Variants in SV2C observed in about 807,000 individuals in gnomAD.
SV2C encodes synaptic vesicle glycoprotein 2C.
Under a neutral mutation model 79.7 loss-of-function variants are expected in SV2C, and 49 were observed. The observed-to-expected ratio is 0.61, with a 90% CI of 0.49 to 0.78. The LOEUF is 0.78. Among genes scored for constraint, SV2C ranks in the 30% least tolerant of loss-of-function variants. The probability of loss-of-function intolerance (pLI) is 0.00; values close to 1 mark genes in which losing one functional copy is unlikely to be tolerated. For missense variants in SV2C, 833 were observed against 912.9 expected, an observed-to-expected ratio of 0.91 and a Z score of 1.13; for synonymous variants, 334 against 333.2, an observed-to-expected ratio of 1.00 and a Z score of -0.03.
At chr5:75,951,410 C>T in the SV2C span, among the ~76,000 whole-genome samples, 2 of 151,976 alleles carry the variant, frequency 1.3e-5, no homozygotes, top group Non-Finnish European at 2.9e-5. Context: ...TGCTGGGAAA[C>T]AGGAACTGCC....
In SV2C at chr5:76,318,783, T is replaced by G. The variant is rs190334049; in HGVS notation, c.2001-6581T>G. ...AGAAGCAAAGCATGGAGCAATAGAA[T>G]GACACTAGATCATTTCATTCTTTCC... On this transcript the variant is annotated intron_variant, in intron 12 of 12. Coordinates refer to ENST00000502798, the MANE Select transcript of SV2C (RefSeq NM_014979.4). 1.2e-3 allele frequency among the ~76,000 whole-genome samples: 183 copies of G among 152,332 alleles called. 3 individuals carry two copies. Among genetic ancestry groups the G allele is most frequent in the Non-Finnish European group, 4.0e-4 (27 of 68,036 alleles).
At chr5:75,967,666 T>G in the SV2C span, among the ~76,000 whole-genome samples, 3,111 of 152,288 alleles carry the variant, frequency 0.02, 93 homozygotes, top group African/African-American at 0.069. Context: ...ATAAACAAAG[T>G]GGCCAGGAAG....
chr5:75,985,971 A>G, the SV2C span, among the ~76,000 whole-genome samples: 1 of 151,666 alleles, frequency 6.6e-6, no homozygotes, highest in South Asian at 2.1e-4. Context: ...AATGAAAAGG[A>G]TAATCACGTG....
chr5:76,051,604 A>T, the SV2C span, among the ~76,000 whole-genome samples: 2 of 152,236 alleles, frequency 1.3e-5, no homozygotes, highest in Non-Finnish European at 2.9e-5. Context: ...GCTCTACAAT[A>T]ATGTTAAGTG....
the SV2C span, among the ~76,000 whole-genome samples, chr5:76,026,684 C>T: frequency 3.9e-5 from 6 of 152,080 alleles, no homozygotes; most frequent in South Asian, 2.1e-4. Flanking sequence ...TTCCAAGAGT[C>T]GGAGTGGGGT....
At chr5:75,977,139 A>C in the SV2C span, among the ~76,000 whole-genome samples, 2 of 152,328 alleles carry the variant, frequency 1.3e-5, no homozygotes, top group Non-Finnish European at 2.9e-5. Flanking sequence ...AAAAATTATG[A>C]GGGGCCATTT....
intron 2 of SV2C, among the ~76,000 whole-genome samples, chr5:76,164,245 G>A (rs1742977723): frequency 6.6e-6 from 1 of 152,152 alleles, no homozygotes; most frequent in Non-Finnish European, 1.5e-5. Context: ...AAGTATTAAA[G>A]GTTATTTTGA....
chr5:76,139,118 C>T (rs976544369), intron 2 of SV2C, among the ~76,000 whole-genome samples: 3 of 131,692 alleles, frequency 2.3e-5, no homozygotes, highest in Non-Finnish European at 5.0e-5. Flanking sequence ...GACTCCATCT[C>T]AAAAAAAAAA....
the SV2C span, among the ~76,000 whole-genome samples, chr5:76,064,941 G>A: frequency 2.6e-5 from 4 of 152,006 alleles, no homozygotes; most frequent in Admixed American, 6.6e-5. Flanking sequence ...CCTTTTTCTC[G>A]TAAGTATTAG....
chr5:75,981,447 A>G, the SV2C span, among the ~76,000 whole-genome samples: 1 of 152,200 alleles, frequency 6.6e-6, no homozygotes, highest in South Asian at 2.1e-4. Context: ...TGGAGGCATC[A>G]CACTACCCAA....
chr5:75,956,836 C>T, the SV2C span, among the ~76,000 whole-genome samples: 1 of 151,978 alleles, frequency 6.6e-6, no homozygotes, highest in African/African-American at 2.4e-5. Context: ...GAGATAGCAG[C>T]TACTCAATGA....
chr5:76,231,695 T>C (rs1157167324), intron 4 of SV2C, among the ~76,000 whole-genome samples: 1 of 143,026 alleles, frequency 7.0e-6, no homozygotes, highest in Non-Finnish European at 1.5e-5. Flanking sequence ...GTGTTTGGTG[T>C]TTTGTTCTTG....
intron 4 of SV2C, among the ~76,000 whole-genome samples, chr5:76,241,575 A>G (rs1745786776): frequency 1.3e-5 from 2 of 152,074 alleles, no homozygotes; most frequent in South Asian, 4.1e-4. Context: ...GAAAGTCCAG[A>G]TTGCCTAACA....
the SV2C span, among the ~76,000 whole-genome samples, chr5:75,856,742 G>C: frequency 6.6e-6 from 1 of 152,030 alleles, no homozygotes; most frequent in African/African-American, 2.4e-5. Flanking sequence ...CCATTCTGTG[G>C]GTTGTCTCTT....
the SV2C span, among the ~76,000 whole-genome samples, chr5:76,010,734 G>A: frequency 3.3e-5 from 5 of 151,948 alleles, no homozygotes; most frequent in African/African-American, 1.2e-4. Context: ...TAGGTGTTCT[G>A]AAGGAAAAAA....
chr5:76,024,288 C>G, the SV2C span, among the ~76,000 whole-genome samples: 1 of 152,166 alleles, frequency 6.6e-6, no homozygotes, highest in African/African-American at 2.4e-5. Flanking sequence ...TCCCTGCACT[C>G]TAACCAGCAC....
intron 12 of SV2C, among the ~76,000 whole-genome samples, chr5:76,302,584 C>T (rs955968377): frequency 4.5e-5 from 6 of 134,190 alleles, no homozygotes; most frequent in Non-Finnish European, 7.7e-5. Flanking sequence ...TAGCCAAGAT[C>T]ATGCCACTGC....
the SV2C span, among the ~76,000 whole-genome samples, chr5:76,028,055 A>G: frequency 6.6e-6 from 1 of 152,114 alleles, no homozygotes; most frequent in Non-Finnish European, 1.5e-5. Flanking sequence ...TTGATACTCT[A>G]TCCTGCAAAA....
chr5:76,197,477 A>T (rs183939245), intron 3 of SV2C, among the ~76,000 whole-genome samples: 4 of 152,146 alleles, frequency 2.6e-5, no homozygotes, highest in African/African-American at 9.7e-5. Flanking sequence ...GTTAATCTCT[A>T]TAATAAATGG....
Sources: gnomAD v4.1 joint callset for allele counts (sites outside exome capture counted in the v4.1 genomes callset) on GRCh38, gnomAD v4.1.1 for gene constraint, MANE v1.5 for transcripts, NCBI Gene and HGNC (gene_info 2026-07-23, HGNC 2026-07-21) for gene names.